Variants in CDC42BPB observed in about 807,000 individuals in gnomAD.
CDC42BPB encodes the protein CDC42 binding protein kinase beta.
CDC42BPB carries 37 observed loss-of-function variants against 214.9 expected under a neutral mutation model. The ratio of observed to expected loss-of-function variants is 0.17; its 90% CI spans 0.13 to 0.23. The LOEUF is 0.23. CDC42BPB is among the 10% of genes least tolerant of loss of function. CDC42BPB has a pLI of 1.00. For synonymous variants in CDC42BPB, 931 were observed against 884.0 expected (o/e 1.05, Z -0.94); for missense variants, 1,694 against 2,227.0 (o/e 0.76, Z 4.82).
chr14:103,038,904 C>T (rs1375187522), intron 1 of CDC42BPB, among the ~76,000 whole-genome samples: 2 of 151,708 alleles, frequency 1.3e-5, no homozygotes, highest in African/African-American at 4.8e-5. Flanking sequence ...AGAAAAAAAA[C>T]AGCAGCAACT....
At chr14:102,974,228 C>G in intron 11 of CDC42BPB, 79 bp from the exon 12 acceptor site, 1 of 1,555,586 alleles carries the variant, frequency 6.4e-7, no homozygotes, top group Non-Finnish European at 8.6e-7. Flanking sequence ...GACTTACTGA[C>G]AGGAAATTAT....
intron 1 of CDC42BPB, among the ~76,000 whole-genome samples, chr14:103,028,176 C>T (rs181953113): frequency 1.4e-4 from 21 of 152,290 alleles, no homozygotes; most frequent in African/African-American, 2.6e-4. Context: ...CACAACGAAT[C>T]TGTGATATGG....
chr14:103,019,535 C>T (rs956740623), intron 1 of CDC42BPB, among the ~76,000 whole-genome samples: 1 of 152,214 alleles, frequency 6.6e-6, no homozygotes, highest in South Asian at 2.1e-4. Flanking sequence ...GCCACGCTGA[C>T]AGGACTCCTT....
In CDC42BPB at chr14:102,952,611, G is replaced by A. The variant is rs771462191; in HGVS notation, c.3067-8C>T. On this transcript the variant is annotated splice_region_variant and splice_polypyrimidine_tract_variant and intron_variant, in intron 23 of 36. Transcript: ENST00000361246. ...GAACTGGTGAGCTTTTGGCTGGAAG[G>A]AGAAAATCAAGAACACTGAGGTGAA... The A allele has an allele frequency of 3.7e-6, 6 of 1,612,176 alleles. No homozygotes were observed. The highest frequency in any genetic ancestry group is 5.1e-6 in the Non-Finnish European group (6 of 1,178,740).
At chr14:103,020,791 A>C (rs563507243) in intron 1 of CDC42BPB, among the ~76,000 whole-genome samples, 1 of 152,360 alleles carries the variant, frequency 6.6e-6, no homozygotes, top group Non-Finnish European at 1.5e-5. Context: ...CTTGGAATTT[A>C]TTCTTACGGT....
chr14:102,974,983 G>A (rs1893671913), intron 11 of CDC42BPB, among the ~76,000 whole-genome samples: 3 of 152,144 alleles, frequency 2.0e-5, no homozygotes, highest in African/African-American at 7.2e-5. Context: ...ACTGATTGGA[G>A]CTTTTAGGGA....
Position 102,957,771 on chromosome 14 carries a change from G to A in CDC42BPB, c.2901+1860C>T, listed in dbSNP as rs76604795. Among the ~76,000 whole-genome samples, 842 of 152,250 alleles carry A rather than the reference G, an allele frequency of 5.5e-3. 10 individuals are homozygous for A. Among genetic ancestry groups the A allele is most frequent in the African/African-American group, 0.019 (809 of 41,556 alleles). ...AGTCCACCCCAAGGGAGGCTGCTAC[G>A]GGCAGATGCCCACATGGGCACCTGC... On this transcript the variant is annotated intron_variant, in intron 21 of 36. Transcript: ENST00000361246.
At chr14:103,056,693 G>C (rs1376532342) in intron 1 of CDC42BPB, among the ~76,000 whole-genome samples, 1 of 151,584 alleles carries the variant, frequency 6.6e-6, no homozygotes, top group Admixed American at 6.6e-5. Context: ...GGTGGGAGTG[G>C]GAACGTAGGA....
intron 1 of CDC42BPB, among the ~76,000 whole-genome samples, chr14:103,030,473 A>C (rs1363187640): frequency 6.6e-6 from 1 of 152,208 alleles, no homozygotes; most frequent in Non-Finnish European, 1.5e-5. Flanking sequence ...AGGTGTGTGG[A>C]TCACCCGAGG....
chr14:103,026,508 AATCATTCTGTTTT>A (rs1482067380), intron 1 of CDC42BPB, among the ~76,000 whole-genome samples: 2 of 152,086 alleles, frequency 1.3e-5, no homozygotes, highest in African/African-American at 4.8e-5. Context: ...CCAAAATAAA[AATCATTCTGTTTT>A]TTAACTACAA....
At chr14:102,997,100 C>T (rs1294215298) in intron 5 of CDC42BPB, among the ~76,000 whole-genome samples, 1 of 152,146 alleles carries the variant, frequency 6.6e-6, no homozygotes, top group Non-Finnish European at 1.5e-5. Context: ...TTGCTCCCCA[C>T]ACAGGAGGGG....
At chr14:102,935,319 C>T (rs1324836137) in intron 36 of CDC42BPB, among the ~76,000 whole-genome samples, 1 of 151,548 alleles carries the variant, frequency 6.6e-6, no homozygotes, top group Non-Finnish European at 1.5e-5. Flanking sequence ...AATGAACACA[C>T]TGAAAAGGAA....
intron 1 of CDC42BPB, among the ~76,000 whole-genome samples, chr14:103,051,209 T>C (rs1888589925): frequency 6.6e-6 from 1 of 150,574 alleles, no homozygotes; most frequent in African/African-American, 2.5e-5. Context: ...CTTCTGATTT[T>C]AGATTTAAGG....
intron 5 of CDC42BPB, among the ~76,000 whole-genome samples, chr14:102,988,991 A>G (rs1028701910): frequency 6.6e-6 from 1 of 152,168 alleles, no homozygotes; most frequent in Non-Finnish European, 1.5e-5. Context: ...ACCACAATGA[A>G]CCACATCAAA....
At chr14:102,951,707 A>C (rs934389304) in intron 24 of CDC42BPB, among the ~76,000 whole-genome samples, 5 of 152,028 alleles carry the variant, frequency 3.3e-5, no homozygotes, top group African/African-American at 9.7e-5. Flanking sequence ...GAATCACTTG[A>C]ATCTGGGAGG....
At chr14:102,983,523 TA>T in intron 7 of CDC42BPB, 32 bp downstream of exon 7, 1 of 1,567,502 alleles carries the variant, frequency 6.4e-7, no homozygotes, top group Non-Finnish European at 8.6e-7. Flanking sequence ...CTGAGCCAGG[TA>T]CCAAAAAAAA....
chr14:102,999,251 GC>G (rs1357371955), intron 5 of CDC42BPB, among the ~76,000 whole-genome samples: 1 of 150,912 alleles, frequency 6.6e-6, no homozygotes, highest in Non-Finnish European at 1.5e-5. Flanking sequence ...GCCCACGTGA[GC>G]CCCAGGGAGC....
intron 1 of CDC42BPB, chr14:103,041,785 G>A (rs745440487): frequency 9.4e-5 from 44 of 468,076 alleles, no homozygotes; most frequent in Non-Finnish European, 1.7e-4. Flanking sequence ...CGAGTCCACC[G>A]AGTCCCTGCA....
chr14:103,011,081 C>T (rs989361718), intron 2 of CDC42BPB, among the ~76,000 whole-genome samples: 1 of 152,232 alleles, frequency 6.6e-6, no homozygotes, highest in Non-Finnish European at 1.5e-5. Flanking sequence ...ACTGTCAAAC[C>T]ACCCGAGGCG....
Sources: allele counts gnomAD v4.1 joint callset (sites outside exome capture counted in the v4.1 genomes callset), GRCh38; gene constraint gnomAD v4.1.1; transcripts MANE v1.5; gene names NCBI Gene and HGNC (gene_info 2026-07-23, HGNC 2026-07-21).